JRK: variants seen among roughly 807,000 people sequenced by gnomAD.
JRK encodes the protein jerky protein homolog.
For synonymous variants in JRK, 303 were observed against 218.1 expected (o/e 1.39, Z -3.43); for missense variants, 720 against 509.2 (o/e 1.41, Z -3.98).
the JRK span, among the ~76,000 whole-genome samples, chr8:142,643,908 G>A: frequency 2.0e-5 from 3 of 152,166 alleles, no homozygotes; most frequent in Non-Finnish European, 2.9e-5. Context: ...TATAAATTTT[G>A]TTCATAGGAA....
Position 142,658,630 on chromosome 8 carries a change from C to T in JRK, c.*5722G>A. 1 of 572,460 alleles carries T rather than the reference C, an allele frequency of 1.7e-6. No homozygotes were observed. The highest frequency in any genetic ancestry group is 2.8e-6 in the Non-Finnish European group (1 of 353,816). 35.5% of individuals were successfully genotyped at this position (572,460 alleles called of 1,614,324 possible). On this transcript the variant is annotated 3_prime_UTR_variant, in exon 2 of 2. Coordinates refer to ENST00000612905, the MANE Select transcript of JRK (RefSeq NM_003724.4). The stretch of plus-strand genomic sequence containing the variant: ...TCGGCGAGCCCCACCCTCACGATCT[C>T]ACCTAAGCCTAGTCACCTCCCAAAG...
At position 142,659,018 on chromosome 8, in the gene JRK, C is replaced by T; in HGVS notation, c.*5334G>A. On this transcript the variant is annotated 3_prime_UTR_variant, in exon 2 of 2. Coordinates refer to ENST00000612905, the MANE Select transcript of JRK (RefSeq NM_003724.4). ...ACACCATAGGGGTGTAGTCACTTCC[C>T]TCTGCCAGGGAGAATGGTGGAGGAA... 1 of 1,514,698 alleles carries T rather than the reference C, an allele frequency of 6.6e-7. No homozygotes were observed. 93.8% of individuals were successfully genotyped at this position (1,514,698 alleles called of 1,614,324 possible). A position where few individuals can be genotyped will look rare whatever the true frequency, so the allele number is the denominator to read the frequency against.
chr8:142,656,261 T>C (rs1846749252), downstream of JRK, among the ~76,000 whole-genome samples: 2 of 152,236 alleles, frequency 1.3e-5, no homozygotes, highest in Non-Finnish European at 2.9e-5. Flanking sequence ...CTTTGCTTAG[T>C]GACCAGCTAG....
chr8:142,658,893 T>C lies in JRK; in HGVS notation c.*5459A>G, dbSNP rs782586561. The C allele has an allele frequency of 1.2e-6, 2 of 1,613,682 alleles. No homozygotes were observed. The highest frequency in any genetic ancestry group is 1.7e-6 in the Non-Finnish European group (2 of 1,179,796). ...GAGGCCTCCAGGCAGCACTTAGGAATTGCCAACTCCTCTGGTGAGGTCACT... is the reference window on the plus strand; with the variant it reads ...GAGGCCTCCAGGCAGCACTTAGGAACTGCCAACTCCTCTGGTGAGGTCACT... On this transcript the variant is annotated 3_prime_UTR_variant, in exon 2 of 2. Coordinates refer to ENST00000612905, the MANE Select transcript of JRK (RefSeq NM_003724.4).
At chr8:142,646,293 T>G in the JRK span, among the ~76,000 whole-genome samples, 1 of 152,180 alleles carries the variant, frequency 6.6e-6, no homozygotes, top group Non-Finnish European at 1.5e-5. Flanking sequence ...CATTCCTGAG[T>G]GTAGGTCAAA....
In JRK at chr8:142,665,823, C is replaced by T. The variant is rs1554635905; in HGVS notation, c.236G>A (p.Arg79His). 3.9e-6 allele frequency: 3 copies of T among 778,994 alleles called. No homozygotes were observed. The highest frequency in any genetic ancestry group is 2.4e-5 in the East Asian group (1 of 41,244). The allele number at this position is 778,994 out of a possible 1,614,324, so 48.3% of individuals were successfully genotyped here. Residue 79 changes from arginine (R) to histidine (H), a missense_variant, in exon 2 of 2, where the codon CGC becomes CAC. Arg to His is a conservative substitution (Grantham distance 29, BLOSUM62 0). Transcript: ENST00000612905. ...CTCCAGCTTGGGCGTGTGCAGCGTG[C>T]GCCGCTGCTCCAGCGCCTTGTTGGA... ...SDSNKALEQRRTLHTPKLEHL... is the reference protein window; with the variant it reads ...SDSNKALEQRHTLHTPKLEHL...
chr8:142,669,399 A>C (rs1200549617), intron 1 of JRK, among the ~76,000 whole-genome samples: 1 of 151,992 alleles, frequency 6.6e-6, no homozygotes, highest in South Asian at 2.1e-4. Flanking sequence ...GGAGCCCTCC[A>C]CGCTGGGGGA....
chr8:142,652,884 T>A (rs1209077856), downstream of JRK, among the ~76,000 whole-genome samples: 2 of 151,748 alleles, frequency 1.3e-5, no homozygotes, highest in Non-Finnish European at 1.5e-5. Flanking sequence ...ATTTCTAGGG[T>A]TCCAAAAATT....
Position 142,664,217 on chromosome 8 carries a change from G to T in JRK, c.*135C>A, listed in dbSNP as rs1847007370. 1 of 1,413,054 alleles carries T rather than the reference G, an allele frequency of 7.1e-7. No individual in the cohort carries two copies. The highest frequency in any genetic ancestry group is 1.4e-5 in the African/African-American group (1 of 69,332). 87.5% of individuals were successfully genotyped at this position (1,413,054 alleles called of 1,614,324 possible). A position where few individuals can be genotyped will look rare whatever the true frequency, so the allele number is the denominator to read the frequency against. ...CTGGGCACCCGAGCCACACCCGTGGGCGACCCACTCCTGGAAGGGCTCTTG... is the reference window on the plus strand; with the variant it reads ...CTGGGCACCCGAGCCACACCCGTGGTCGACCCACTCCTGGAAGGGCTCTTG... On this transcript the variant is annotated 3_prime_UTR_variant, in exon 2 of 2. Transcript: ENST00000612905.
At chr8:142,668,489 G>A (rs1008249681) in intron 1 of JRK, among the ~76,000 whole-genome samples, 2 of 151,666 alleles carry the variant, frequency 1.3e-5, no homozygotes, top group African/African-American at 4.8e-5. Flanking sequence ...GGGAACAGGA[G>A]GGAAGGCAAG....
rs782514933 is a variant in JRK, at chr8:142,664,848, T to C, written c.1211A>G (p.Glu404Gly). ...GSSSEEELEAECFPVKPHNKS... is the reference protein window; with the variant it reads ...GSSSEEELEAGCFPVKPHNKS... ...GTTGTGGGGCTTCACTGGGAAGCACTCTGCCTCCAACTCCTCCTCAGAGGA... is the reference window on the plus strand; with the variant it reads ...GTTGTGGGGCTTCACTGGGAAGCACCCTGCCTCCAACTCCTCCTCAGAGGA... The change falls in exon 2 of 2, where the codon GAG (glutamate) becomes GGG (glycine). Residue 404 changes from glutamate to glycine, a missense_variant. By Grantham distance (98) the Glu-to-Gly change is moderately conservative. Transcript: ENST00000612905. 2 of 1,544,206 alleles carry C rather than the reference T, an allele frequency of 1.3e-6. No individual in the cohort carries two copies. Among genetic ancestry groups the C allele is most frequent in the Non-Finnish European group, 1.8e-6 (2 of 1,120,576 alleles).
chr8:142,665,236 A>C lies in JRK; in HGVS notation c.823T>G (p.Phe275Val). ...AAGTGCTCTCTCACCGAGGGCACAA[A>C]GATATGATGGAACCAATCGGAAAAA... The part of the protein sequence containing the change: ...EIFSDWFHHI[F>V]VPSVREHFRT... The change falls in exon 2 of 2, where the codon TTT becomes GTT. Residue 275 changes from phenylalanine (F) to valine (V), a missense_variant. Physicochemically the swap from Phe to Val is conservative, Grantham distance 50. Coordinates refer to ENST00000612905, the MANE Select transcript of JRK (RefSeq NM_003724.4). 1 of 717,954 alleles carries C rather than the reference A, an allele frequency of 1.4e-6. No homozygotes were observed. Among genetic ancestry groups the C allele is most frequent in the Non-Finnish European group, 2.6e-6 (1 of 385,102 alleles). 44.5% of individuals were successfully genotyped at this position (717,954 alleles called of 1,614,324 possible).
chr8:142,659,205 A>G lies in JRK; in HGVS notation c.*5147T>C. The G allele has an allele frequency of 8.3e-7, 1 of 1,201,302 alleles. No homozygotes were observed. Among genetic ancestry groups the G allele is most frequent in the Non-Finnish European group, 1.0e-6 (1 of 960,966 alleles). 74.4% of individuals were successfully genotyped at this position (1,201,302 alleles called of 1,614,324 possible). A position where few individuals can be genotyped will look rare whatever the true frequency, so the allele number is the denominator to read the frequency against. On this transcript the variant is annotated 3_prime_UTR_variant, in exon 2 of 2. Coordinates refer to ENST00000612905, the MANE Select transcript of JRK (RefSeq NM_003724.4). ...CAGAGGACAGGCCTTCCTTTCACAC[A>G]CATCAGAAATAGGGAACCCAAGACC...
At chr8:142,669,544 G>A (rs1295714391) in intron 1 of JRK, among the ~76,000 whole-genome samples, 2 of 152,178 alleles carry the variant, frequency 1.3e-5, no homozygotes, top group Non-Finnish European at 2.9e-5. Context: ...AGAAAAAAAA[G>A]TCTCGGTCTG....
the JRK span, among the ~76,000 whole-genome samples, chr8:142,648,569 G>A: frequency 6.6e-6 from 1 of 152,354 alleles, no homozygotes; most frequent in Non-Finnish European, 1.5e-5. Context: ...GTCCACAGAA[G>A]TCAAGAATTG....
chr8:142,660,002 G>C lies in JRK; in HGVS notation c.*4350C>G. ...GAGCTGACACCACATGGGCAAAGGA[G>C]TGGGCGTGTGGGGCTGGGAGCTGGG... On this transcript the variant is annotated 3_prime_UTR_variant, in exon 2 of 2. Coordinates refer to ENST00000612905, the MANE Select transcript of JRK (RefSeq NM_003724.4). The C allele has an allele frequency of 1.0e-6, 1 of 985,836 alleles. No individual in the cohort carries two copies. Among genetic ancestry groups the C allele is most frequent in the Non-Finnish European group, 1.2e-6 (1 of 830,178 alleles). The allele number at this position is 985,836 out of a possible 1,614,324, so 61.1% of individuals were successfully genotyped here. A position where few individuals can be genotyped will look rare whatever the true frequency, so the allele number is the denominator to read the frequency against.
chr8:142,658,984 A>G lies in JRK; in HGVS notation c.*5368T>C. On this transcript the variant is annotated 3_prime_UTR_variant, in exon 2 of 2. Coordinates refer to ENST00000612905, the MANE Select transcript of JRK (RefSeq NM_003724.4). ...CTTTGCTGCTTCATGGAGGAGCGTC[A>G]GTATGTCCACACCATAGGGGTGTAG... The G allele has an allele frequency of 1.3e-6, 2 of 1,599,246 alleles. No individual in the cohort carries two copies. Among genetic ancestry groups the G allele is most frequent in the Non-Finnish European group, 8.5e-7 (1 of 1,172,552 alleles).
At chr8:142,647,934 A>C in the JRK span, among the ~76,000 whole-genome samples, 9 of 152,362 alleles carry the variant, frequency 5.9e-5, no homozygotes, top group African/African-American at 2.2e-4. Flanking sequence ...AATAAAGTCC[A>C]GGCTGAGGTG....
Position 142,661,560 on chromosome 8 carries a change from C to T in JRK, c.*2792G>A. The T allele has an allele frequency of 1.0e-6, 1 of 985,548 alleles. No individual in the cohort carries two copies. The highest frequency in any genetic ancestry group is 1.2e-6 in the Non-Finnish European group (1 of 830,000). The allele number at this position is 985,548 out of a possible 1,614,324, so 61.1% of individuals were successfully genotyped here. A position where few individuals can be genotyped will look rare whatever the true frequency, so the allele number is the denominator to read the frequency against. ...CCCACGAGCCACTGGAAAACTGAGGCTGCAACTTGCAGGGGCACTGTGAGA... is the reference window on the plus strand; with the variant it reads ...CCCACGAGCCACTGGAAAACTGAGGTTGCAACTTGCAGGGGCACTGTGAGA... On this transcript the variant is annotated 3_prime_UTR_variant, in exon 2 of 2. Transcript: ENST00000612905.
Sources: gnomAD v4.1 joint callset for allele counts (sites outside exome capture counted in the v4.1 genomes callset) on GRCh38, gnomAD v4.1.1 for gene constraint, MANE v1.5 for transcripts, NCBI Gene and HGNC (gene_info 2026-07-23, HGNC 2026-07-21) for gene names.